The following ARHGEF9 variants were observed in gnomAD, a reference collection of about 807,000 sequenced individuals.
ARHGEF9 encodes the protein rho guanine nucleotide exchange factor 9.
Under a neutral mutation model 41.3 loss-of-function variants are expected in ARHGEF9, and 2 were observed. That is an observed-to-expected ratio of 0.05 (90% confidence interval 0.02 to 0.15). The LOEUF is 0.15. Among genes scored for constraint, ARHGEF9 ranks in the 10% least tolerant of loss-of-function variants. The pLI is 1.00. For synonymous variants in ARHGEF9, 160 were observed against 154.4 expected, an observed-to-expected ratio of 1.04 and a Z score of -0.27; for missense variants, 225 against 424.7, an observed-to-expected ratio of 0.53 and a Z score of 4.13.
At chrX:63,644,624 C>T (rs782433452) in intron 8 of ARHGEF9, among the ~76,000 whole-genome samples, 1 of 109,988 alleles carries the variant, frequency 9.1e-6, no homozygotes, top group African/African-American at 3.3e-5. Flanking sequence ...AGTATAATTC[C>T]CAAACTTCAG....
chrX:63,697,871 C>T (rs2051864162), intron 3 of ARHGEF9, among the ~76,000 whole-genome samples: 1 of 111,413 alleles, frequency 9.0e-6, no homozygotes, highest in Non-Finnish European at 1.9e-5. Flanking sequence ...CTGTTGTGTA[C>T]ATCAAAGTAC....
chrX:63,761,085 C>A lies in ARHGEF9; in HGVS notation c.30+24031G>T, dbSNP rs1284537386. Among the ~76,000 whole-genome samples the A allele has an allele frequency of 6.7e-4, 75 of 111,586 alleles. 1 individual carries two copies. Among genetic ancestry groups the A allele is most frequent in the Non-Finnish European group, 3.0e-4 (16 of 53,137 alleles). ...CCTCAGTCCTGGCTTTCCAAAGCCA[C>A]AAATCACCCATGGTCATTTGTGCAG... On this transcript the variant is annotated intron_variant, in intron 1 of 9. Transcript: ENST00000671741.
At chrX:63,643,062 A>G (rs2047742174) in intron 9 of ARHGEF9, among the ~76,000 whole-genome samples, 1 of 112,329 alleles carries the variant, frequency 8.9e-6, no homozygotes, top group South Asian at 3.7e-4. Context: ...GAAATAACAT[A>G]TAAAGTGACT....
chrX:63,778,968 T>C (rs1232073130), intron 1 of ARHGEF9, among the ~76,000 whole-genome samples: 1 of 112,233 alleles, frequency 8.9e-6, no homozygotes, highest in African/African-American at 3.2e-5. Context: ...TGAAAGTACC[T>C]ATAAAAAGGC....
intron 1 of ARHGEF9, among the ~76,000 whole-genome samples, chrX:63,767,975 T>C (rs1556452683): frequency 8.9e-6 from 1 of 112,217 alleles, no homozygotes; most frequent in Non-Finnish European, 1.9e-5. Flanking sequence ...AATTCATGCA[T>C]GTCAAGGCAC....
chrX:63,694,183 CAAA>C (rs782168332), intron 4 of ARHGEF9, among the ~76,000 whole-genome samples: 1 of 73,820 alleles, frequency 1.4e-5, no homozygotes. Context: ...ACTCTGTCTC[CAAA>C]AAAAAAAAAA....
chrX:63,696,600 C>A (rs1237359484), intron 4 of ARHGEF9, among the ~76,000 whole-genome samples: 3 of 112,252 alleles, frequency 2.7e-5, no homozygotes, highest in Non-Finnish European at 5.6e-5. Context: ...TTCTTACTAA[C>A]CATGGTCCTT....
intron 1 of ARHGEF9, among the ~76,000 whole-genome samples, chrX:63,746,443 C>T (rs1556434013): frequency 9.0e-6 from 1 of 111,610 alleles, no homozygotes; most frequent in African/African-American, 3.3e-5. Flanking sequence ...TGACTGCATC[C>T]TGACCACAGA....
chrX:63,674,367 C>A (rs1442193681), intron 5 of ARHGEF9, among the ~76,000 whole-genome samples, 200 bp from the exon 6 acceptor site: 5 of 111,993 alleles, frequency 4.5e-5, no homozygotes, highest in Non-Finnish European at 7.5e-5. Context: ...GTTTTGTACA[C>A]TGATATGTAA....
intron 4 of ARHGEF9, among the ~76,000 whole-genome samples, chrX:63,686,735 A>G (rs1300147014): frequency 9.0e-6 from 1 of 111,122 alleles, no homozygotes; most frequent in Non-Finnish European, 1.9e-5. Context: ...CAGAAAACCA[A>G]AAAGAACTAG....
chrX:63,646,208 T>G (rs2147159645), intron 8 of ARHGEF9, among the ~76,000 whole-genome samples: 1 of 112,151 alleles, frequency 8.9e-6, no homozygotes, highest in East Asian at 2.8e-4. Flanking sequence ...TAGTTTCTTT[T>G]GCTGTGCAGA....
At chrX:63,753,484 C>T (rs782530209) in intron 1 of ARHGEF9, among the ~76,000 whole-genome samples, 4 of 110,137 alleles carry the variant, frequency 3.6e-5, no homozygotes, top group Non-Finnish European at 7.6e-5. Flanking sequence ...CCAAAGGAGC[C>T]ATATCCAAAT....
At chrX:63,715,445 G>GA (rs782684709) in intron 2 of ARHGEF9, among the ~76,000 whole-genome samples, 1,363 of 96,005 alleles carry the variant, frequency 0.014, 15 homozygotes, top group Admixed American at 0.049. Context: ...ATTTAGAAAA[G>GA]AAAAAAAAAA....
intron 1 of ARHGEF9, among the ~76,000 whole-genome samples, chrX:63,730,093 G>A (rs782718336): frequency 2.7e-3 from 301 of 111,522 alleles, no homozygotes; most frequent in Non-Finnish European, 4.8e-3. Context: ...ACCAAAAAAG[G>A]CATGTGTGTT....
intron 1 of ARHGEF9, among the ~76,000 whole-genome samples, chrX:63,768,280 C>T (rs2056146675): frequency 1.8e-5 from 2 of 111,995 alleles, no homozygotes; most frequent in African/African-American, 6.5e-5. Flanking sequence ...GAGCCTCTAG[C>T]TCCATCCAAG....
intron 1 of ARHGEF9, among the ~76,000 whole-genome samples, chrX:63,778,376 T>C (rs1176610349): frequency 8.9e-6 from 1 of 111,920 alleles, no homozygotes; most frequent in Admixed American, 9.4e-5. Flanking sequence ...CATGAAACCA[T>C]TTTTTCCTCC....
intron 1 of ARHGEF9, among the ~76,000 whole-genome samples, chrX:63,775,512 T>C (rs2056278900): frequency 1.8e-5 from 2 of 111,987 alleles, no homozygotes; most frequent in Non-Finnish European, 3.8e-5. Flanking sequence ...CGCGAGAACA[T>C]GTCCTTTGCG....
chrX:63,680,025 G>A (rs782541874), intron 4 of ARHGEF9, among the ~76,000 whole-genome samples: 4 of 112,170 alleles, frequency 3.6e-5, no homozygotes, highest in East Asian at 5.6e-4. Context: ...AAAATCAACC[G>A]TATTCCTGTG....
At chrX:63,639,703 G>C (rs1200132444) in intron 9 of ARHGEF9, 1 of 112,067 alleles carries the variant, frequency 8.9e-6, no homozygotes, top group African/African-American at 3.2e-5. Flanking sequence ...CCAAGATATG[G>C]AATCAACCAA....
Sources: gnomAD v4.1 joint callset for allele counts (sites outside exome capture counted in the v4.1 genomes callset) on GRCh38, gnomAD v4.1.1 for gene constraint, MANE v1.5 for transcripts, NCBI Gene and HGNC (gene_info 2026-07-23, HGNC 2026-07-21) for gene names.